ZNF536: variants seen among roughly 807,000 people sequenced by gnomAD.
ZNF536 encodes the protein zinc finger protein 536.
A neutral mutation model predicts 84.5 loss-of-function variants in ZNF536; 13 were observed. The ratio of observed to expected loss-of-function variants is 0.15; its 90% CI spans 0.10 to 0.24. ZNF536 has a LOEUF of 0.24. Among genes scored for constraint, ZNF536 ranks in the 10% least tolerant of loss-of-function variants. ZNF536 has a pLI of 1.00. For missense variants in ZNF536, 1,536 were observed against 1,747.5 expected (o/e 0.88, Z 2.16); for synonymous variants, 811 against 742.5 (o/e 1.09, Z -1.50).
At chr19:30,394,338 T>G (rs2049723601) in intron 1 of ZNF536, among the ~76,000 whole-genome samples, 1 of 152,164 alleles carries the variant, frequency 6.6e-6, no homozygotes, top group East Asian at 1.9e-4. Flanking sequence ...TGTGTGCAAA[T>G]GGGTAGTTAG....
intron 2 of ZNF536, among the ~76,000 whole-genome samples, chr19:30,533,426 A>T (rs2044937742): frequency 6.6e-6 from 1 of 152,164 alleles, no homozygotes; most frequent in Non-Finnish European, 1.5e-5. Flanking sequence ...AAGCTAAGGC[A>T]GGAGGATCCC....
At chr19:30,307,347 G>A (rs1457781039) in intron 2 of ZNF536, among the ~76,000 whole-genome samples, 3 of 151,076 alleles carry the variant, frequency 2.0e-5, no homozygotes, top group Admixed American at 6.6e-5. Flanking sequence ...CAGGGGGAAC[G>A]GTGATTAGGT....
At chr19:30,676,108 T>C (rs993938687) in intron 1 of ZNF536, among the ~76,000 whole-genome samples, 1 of 152,178 alleles carries the variant, frequency 6.6e-6, no homozygotes, top group African/African-American at 2.4e-5. Flanking sequence ...AGATCCTCCC[T>C]TCTCCCAAAG....
intron 1 of ZNF536, among the ~76,000 whole-genome samples, chr19:30,372,761 T>C (rs986826793): frequency 2.0e-5 from 3 of 152,160 alleles, no homozygotes; most frequent in Admixed American, 6.5e-5. Context: ...TTTATTATAA[T>C]TTAGAAAGGG....
At chr19:30,463,859 G>A (rs1192158853) in intron 2 of ZNF536, among the ~76,000 whole-genome samples, 2 of 152,072 alleles carry the variant, frequency 1.3e-5, no homozygotes, top group African/African-American at 4.8e-5. Flanking sequence ...GCTCGGGGAT[G>A]AAACCTCATG....
chr19:30,357,630 C>G (rs17540054), intron 3 of ZNF536, among the ~76,000 whole-genome samples: 44,967 of 151,950 alleles, frequency 0.3, 6,757 homozygotes, highest in Middle Eastern at 0.47. Flanking sequence ...ATTTCAGGCT[C>G]TTCGGTGCAA....
chr19:30,410,238 C>A lies in ZNF536; in HGVS notation c.-2-33323C>A, dbSNP rs182752922. On this transcript the variant is annotated intron_variant, in intron 1 of 4. Transcript: ENST00000355537. Reference sequence around the variant, plus strand: ...ATGATTTTATTTTAAATATAAATTTCTAATCCATTAAGTGCTTATTTTGAT... The same window carrying A: ...ATGATTTTATTTTAAATATAAATTTATAATCCATTAAGTGCTTATTTTGAT... 1.7e-3 allele frequency among the ~76,000 whole-genome samples: 257 copies of A among 151,980 alleles called. 2 individuals are homozygous for A. Among genetic ancestry groups the A allele is most frequent in the African/African-American group, 6.1e-3 (254 of 41,490 alleles).
chr19:30,290,821 T>G (rs2045811782), intron 2 of ZNF536, among the ~76,000 whole-genome samples: 1 of 152,226 alleles, frequency 6.6e-6, no homozygotes, highest in Non-Finnish European at 1.5e-5. Flanking sequence ...GTATTTGTCC[T>G]AATGGTCTCC....
intron 1 of ZNF536, among the ~76,000 whole-genome samples, chr19:30,579,248 C>T (rs1871594395): frequency 6.6e-6 from 1 of 152,176 alleles, no homozygotes; most frequent in South Asian, 2.1e-4. Flanking sequence ...TCCATGACAG[C>T]TATAGCAGTT....
At chr19:30,369,303 G>T (rs2048536179), upstream of ZNF536, among the ~76,000 whole-genome samples, 1 of 152,192 alleles carries the variant, frequency 6.6e-6, no homozygotes. Context: ...TGTCCAAATG[G>T]TGGAAACATG....
chr19:30,521,168 C>T (rs1272472161), intron 2 of ZNF536, among the ~76,000 whole-genome samples: 2 of 152,234 alleles, frequency 1.3e-5, no homozygotes, highest in South Asian at 2.1e-4. Flanking sequence ...ACTTGGCTCC[C>T]GGAGTCCCTT....
chr19:30,706,691 C>T (rs142775832), intron 1 of ZNF536, among the ~76,000 whole-genome samples: 2 of 152,076 alleles, frequency 1.3e-5, no homozygotes, highest in African/African-American at 4.8e-5. Flanking sequence ...TTTTTACTTA[C>T]TATTTGGAGT....
intron 1 of ZNF536, among the ~76,000 whole-genome samples, chr19:30,434,861 AATG>A (rs987114991): frequency 1.9e-4 from 27 of 140,252 alleles, no homozygotes; most frequent in African/African-American, 4.6e-4. Flanking sequence ...TGATGGTGAT[AATG>A]ATGATGATGG....
Position 30,549,201 on chromosome 19 carries a change from G to T in ZNF536, c.3582G>T (p.Leu1194=), listed in dbSNP as rs769633246. ...ETEPEMMTKP[L]SALSKDSSSD... ...AACCGGAAATGATGACCAAGCCACT[G>T]TCTGCCCTCAGCAAAGACAGCAGCA... The change falls in exon 4 of 5, where the codon CTG becomes CTT. Residue 1194 remains leucine, a synonymous_variant. Coordinates refer to ENST00000355537, the MANE Select transcript of ZNF536 (RefSeq NM_014717.3). 1 of 1,614,060 alleles carries T rather than the reference G, an allele frequency of 6.2e-7. No homozygotes were observed. Among genetic ancestry groups the T allele is most frequent in the East Asian group, 2.2e-5 (1 of 44,886 alleles).
chr19:30,491,871 G>A (rs2145118397), intron 2 of ZNF536, among the ~76,000 whole-genome samples: 1 of 151,334 alleles, frequency 6.6e-6, no homozygotes, highest in Admixed American at 6.6e-5. Flanking sequence ...AGATATACAA[G>A]ACGTTACTCC....
Position 30,496,026 on chromosome 19 carries a change from G to A in ZNF536, c.2171-38821G>A, listed in dbSNP as rs2054705506. 2.6e-5 allele frequency among the ~76,000 whole-genome samples: 4 copies of A among 152,272 alleles called. No homozygotes were observed. The South Asian group carries it at 8.3e-4, about 32-fold the overall frequency. On this transcript the variant is annotated intron_variant, in intron 2 of 4. Coordinates refer to ENST00000355537, the MANE Select transcript of ZNF536 (RefSeq NM_014717.3). ...GATGCCAGGGTGTATTCAGTGCCTGGCACATAGTAGGTACTTTACAGATAT... is the reference window on the plus strand; with the variant it reads ...GATGCCAGGGTGTATTCAGTGCCTGACACATAGTAGGTACTTTACAGATAT...
Position 30,443,591 on chromosome 19 carries a change from T to C in ZNF536, c.29T>C (p.Val10Ala), listed in dbSNP as rs768910813. Residue 10 changes from valine to alanine, a missense_variant, in exon 2 of 5, where the codon GTG becomes GCG. This residue lies in a region of ZNF536 where 161 missense variants were observed against 178.5 expected (regional missense o/e 0.90). Coordinates refer to ENST00000355537, the MANE Select transcript of ZNF536 (RefSeq NM_014717.3). Reference protein sequence around the residue: MEEASLCLGVSSAEPEAEPH... With the variant: MEEASLCLGASSAEPEAEPH... ...GAAGAAGCGAGCCTGTGCCTTGGAG[T>C]GTCTTCGGCGGAGCCGGAAGCTGAG... 7 of 1,572,440 alleles carry C rather than the reference T, an allele frequency of 4.5e-6. No individual in the cohort carries two copies. The South Asian group carries it at 8.4e-5, about 19-fold the overall frequency.
chr19:30,572,935 G>A (rs1260348842), intron 1 of ZNF536, among the ~76,000 whole-genome samples: 1 of 152,172 alleles, frequency 6.6e-6, no homozygotes, highest in East Asian at 1.9e-4. Flanking sequence ...CCTGGAAAAC[G>A]TGGCCCAACC....
At chr19:30,691,401 C>T (rs534064428) in intron 1 of ZNF536, among the ~76,000 whole-genome samples, 3 of 146,630 alleles carry the variant, frequency 2.0e-5, no homozygotes, top group South Asian at 2.3e-4. Context: ...AACTTGTCAC[C>T]GAGACATTCC....
Sources: allele counts gnomAD v4.1 joint callset (sites outside exome capture counted in the v4.1 genomes callset), GRCh38; gene constraint gnomAD v4.1.1; regional missense constraint gnomAD v4.1.1; transcripts MANE v1.5; gene names NCBI Gene and HGNC (gene_info 2026-07-23, HGNC 2026-07-21).